COMMD1: variants seen among roughly 807,000 people sequenced by gnomAD.
The protein encoded by COMMD1 is COMM domain-containing protein 1.
A neutral mutation model predicts 17.2 loss-of-function variants in COMMD1; 10 were observed. The ratio of observed to expected loss-of-function variants is 0.58; its 90% CI spans 0.36 to 0.99. COMMD1 has a LOEUF of 0.99. COMMD1 is among the 50% of genes least tolerant of loss of function. COMMD1 has a pLI of 0.01. For synonymous variants in COMMD1, 97 were observed against 91.6 expected, an observed-to-expected ratio of 1.06 and a Z score of -0.34; for missense variants, 270 against 231.8, an observed-to-expected ratio of 1.17 and a Z score of -1.07.
chr2:62,001,040 C>T, intron 2 of COMMD1, 58 bp downstream of exon 2: 3 of 1,495,162 alleles, frequency 2.0e-6, no homozygotes, highest in Non-Finnish European at 1.8e-6. Context: ...TACATGTTAG[C>T]TTGTCTATTC....
chr2:61,932,539 T>C (rs1670496821), intron 1 of COMMD1, among the ~76,000 whole-genome samples: 1 of 152,186 alleles, frequency 6.6e-6, no homozygotes. Flanking sequence ...AGTGAATAAG[T>C]GCTATGGTTT....
intron 2 of COMMD1, among the ~76,000 whole-genome samples, chr2:62,052,789 C>T (rs980298900): frequency 3.3e-5 from 5 of 152,084 alleles, no homozygotes; most frequent in Non-Finnish European, 7.4e-5. Context: ...AAATATCATT[C>T]TTGGCCTGGA....
Position 62,032,409 on chromosome 2 carries a change from G to T in COMMD1, c.462+31427G>T, listed in dbSNP as rs145107398. 1.0e-3 allele frequency among the ~76,000 whole-genome samples: 155 copies of T among 152,252 alleles called. 4 individuals carry two copies. In the East Asian group the frequency reaches 0.03, roughly 29 times the overall value. On this transcript the variant is annotated intron_variant, in intron 2 of 2. Transcript: ENST00000311832. ...AAATTAGCCAAGCGTGGTGGCATGC[G>T]CCTGTAATCCTAGCTACAGAGGAGG... is the stretch of plus-strand genomic sequence containing the variant.
intron 2 of COMMD1, among the ~76,000 whole-genome samples, chr2:62,003,640 A>ACACACACACC (rs1404942594): frequency 1.3e-5 from 2 of 148,458 alleles, no homozygotes; most frequent in Non-Finnish European, 3.0e-5. Flanking sequence ...ACACACACAC[A>ACACACACACC]CCCAACAGAT....
At chr2:62,077,304 T>C (rs991327513) in intron 2 of COMMD1, among the ~76,000 whole-genome samples, 2 of 152,234 alleles carry the variant, frequency 1.3e-5, no homozygotes, top group Non-Finnish European at 2.9e-5. Flanking sequence ...TTAGGTATAC[T>C]TGTTAGAATT....
chr2:62,094,846 TG>T (rs1336415902), intron 2 of COMMD1, among the ~76,000 whole-genome samples: 2 of 152,262 alleles, frequency 1.3e-5, no homozygotes, highest in Non-Finnish European at 2.9e-5. Context: ...GAAATGGCTT[TG>T]GGCCACTGGC....
chr2:61,953,220 G>T (rs1183686312), intron 1 of COMMD1, among the ~76,000 whole-genome samples: 3 of 152,004 alleles, frequency 2.0e-5, no homozygotes, highest in Non-Finnish European at 4.4e-5. Flanking sequence ...TTGTGGGCCA[G>T]GCTGATCTCG....
intron 2 of COMMD1, among the ~76,000 whole-genome samples, chr2:62,021,430 G>T (rs1669612269): frequency 6.6e-6 from 1 of 152,148 alleles, no homozygotes; most frequent in African/African-American, 2.4e-5. Flanking sequence ...GGAAAGCTAA[G>T]GGTGGAGCTT....
At chr2:62,016,400 G>A (rs1380115358) in intron 2 of COMMD1, among the ~76,000 whole-genome samples, 19 of 151,120 alleles carry the variant, frequency 1.3e-4, no homozygotes, top group Admixed American at 9.9e-4. Flanking sequence ...TGTAGAGACG[G>A]GGTTTTGCCA....
intron 2 of COMMD1, among the ~76,000 whole-genome samples, chr2:62,125,969 G>A (rs1305046997): frequency 6.6e-6 from 1 of 151,950 alleles, no homozygotes; most frequent in Non-Finnish European, 1.5e-5. Context: ...CCCTCCCTGT[G>A]TCCATGTGTT....
At chr2:62,135,010 C>G (rs1673152578) in intron 2 of COMMD1, among the ~76,000 whole-genome samples, 1 of 152,228 alleles carries the variant, frequency 6.6e-6, no homozygotes, top group Non-Finnish European at 1.5e-5. Flanking sequence ...AGTTAGCTCA[C>G]TTCCCAGACT....
At chr2:61,891,439 T>C (rs1479574282) in intron 1 of COMMD1, among the ~76,000 whole-genome samples, 2 of 152,146 alleles carry the variant, frequency 1.3e-5, no homozygotes, top group South Asian at 2.1e-4. Flanking sequence ...TCAACAAATA[T>C]TAAAACCTAA....
intron 2 of COMMD1, among the ~76,000 whole-genome samples, chr2:62,095,428 C>G (rs528399965): frequency 1.3e-5 from 2 of 151,866 alleles, no homozygotes; most frequent in Admixed American, 6.6e-5. Flanking sequence ...AAATGCAAAC[C>G]GAGAGAGCAT....
chr2:61,945,436 C>G (rs552015084), intron 1 of COMMD1, among the ~76,000 whole-genome samples: 7 of 152,310 alleles, frequency 4.6e-5, no homozygotes, highest in Admixed American at 1.3e-4. Context: ...AGCCAATTAT[C>G]CTCTTGGTTT....
At chr2:62,008,361 GACACACACACACACAC>G (rs151332274) in intron 2 of COMMD1, among the ~76,000 whole-genome samples, 1 of 146,548 alleles carries the variant, frequency 6.8e-6, no homozygotes, top group Non-Finnish European at 1.5e-5. Flanking sequence ...CACACAGACA[GACACACACACACACAC>G]ACACACACAC....
At chr2:62,028,664 T>C (rs1226042384) in intron 2 of COMMD1, among the ~76,000 whole-genome samples, 1 of 152,230 alleles carries the variant, frequency 6.6e-6, no homozygotes, top group Non-Finnish European at 1.5e-5. Flanking sequence ...TATATTCTAC[T>C]ACATTGGATG....
intron 1 of COMMD1, among the ~76,000 whole-genome samples, chr2:61,910,071 C>T (rs1467348673): frequency 6.6e-6 from 1 of 152,144 alleles, no homozygotes; most frequent in Non-Finnish European, 1.5e-5. Flanking sequence ...AACCTTTCAC[C>T]TGCTTGTAGA....
intron 2 of COMMD1, among the ~76,000 whole-genome samples, chr2:62,104,114 T>A (rs951509923): frequency 2.0e-5 from 3 of 152,172 alleles, no homozygotes; most frequent in African/African-American, 7.2e-5. Context: ...GTGCTAAGAT[T>A]ACAGGCATGA....
chr2:62,085,775 C>T (rs1337472013), intron 2 of COMMD1, among the ~76,000 whole-genome samples: 2 of 147,720 alleles, frequency 1.4e-5, no homozygotes, highest in Admixed American at 6.7e-5. Flanking sequence ...GTCAGGAGAT[C>T]GAGACCATCC....
Sources: gnomAD v4.1 joint callset for allele counts (sites outside exome capture counted in the v4.1 genomes callset) on GRCh38, gnomAD v4.1.1 for gene constraint, MANE v1.5 for transcripts, NCBI Gene and HGNC (gene_info 2026-07-23, HGNC 2026-07-21) for gene names.